The following RORA variants were observed in gnomAD, a reference collection of about 807,000 sequenced individuals.
The protein encoded by RORA is nuclear receptor ROR-alpha.
RORA carries 7 observed loss-of-function variants against 69.5 expected under a neutral mutation model. The ratio of observed to expected loss-of-function variants is 0.10; its 90% confidence interval spans 0.06 to 0.19. RORA has a LOEUF of 0.19. Among genes scored for constraint, RORA ranks in the 10% least tolerant of loss-of-function variants. RORA has a pLI of 1.00. For synonymous variants in RORA, 261 were observed against 240.8 expected (o/e 1.08, Z -0.78); for missense variants, 457 against 663.0 (o/e 0.69, Z 3.41).
At chr15:61,228,259 G>A (rs897283931) in intron 1 of RORA, among the ~76,000 whole-genome samples, 8 of 152,112 alleles carry the variant, frequency 5.3e-5, no homozygotes, top group African/African-American at 1.9e-4. Context: ...CGCCCCACAG[G>A]ACCGCCGCCC....
At chr15:61,018,824 G>T (rs921981579) in intron 1 of RORA, among the ~76,000 whole-genome samples, 2 of 152,044 alleles carry the variant, frequency 1.3e-5, no homozygotes, top group Non-Finnish European at 2.9e-5. Flanking sequence ...CTCATAAATG[G>T]TAAGGATGTA....
At chr15:60,753,872 C>G (rs899786505) in intron 1 of RORA, among the ~76,000 whole-genome samples, 13 of 152,214 alleles carry the variant, frequency 8.5e-5, no homozygotes, top group African/African-American at 3.1e-4. Flanking sequence ...AAATCCACTT[C>G]TATTATCCCG....
intron 1 of RORA, among the ~76,000 whole-genome samples, chr15:60,744,355 A>C (rs141265890): frequency 0.027 from 4,132 of 152,306 alleles, 125 homozygotes; most frequent in African/African-American, 0.071. Context: ...AATTAGATAG[A>C]AACAGCTGTG....
intron 1 of RORA, among the ~76,000 whole-genome samples, chr15:61,003,862 A>T (rs1481314199): frequency 6.6e-6 from 1 of 152,198 alleles, no homozygotes; most frequent in Non-Finnish European, 1.5e-5. Context: ...CCTGGTGGGA[A>T]GCAGATGGGA....
chr15:61,081,632 C>T (rs923948004), intron 1 of RORA, among the ~76,000 whole-genome samples: 1 of 151,796 alleles, frequency 6.6e-6, no homozygotes, highest in Non-Finnish European at 1.5e-5. Flanking sequence ...ATGGTGAAAC[C>T]CCATCTCTAC....
At chr15:60,645,196 T>G (rs530547928) in intron 2 of RORA, among the ~76,000 whole-genome samples, 1 of 151,620 alleles carries the variant, frequency 6.6e-6, no homozygotes, top group African/African-American at 2.4e-5. Context: ...ATCAAGAGAC[T>G]GTTGGGCGAG....
intron 1 of RORA, among the ~76,000 whole-genome samples, chr15:60,800,159 G>C (rs982359049): frequency 3.3e-5 from 5 of 152,156 alleles, no homozygotes; most frequent in Non-Finnish European, 5.9e-5. Flanking sequence ...AGACATCAGG[G>C]CTTTTTTTTT....
At chr15:60,549,895 G>T (rs1283362889) in intron 2 of RORA, among the ~76,000 whole-genome samples, 1 of 152,172 alleles carries the variant, frequency 6.6e-6, no homozygotes, top group African/African-American at 2.4e-5. Flanking sequence ...CAACTGAATT[G>T]TAAGGACAAC....
intron 1 of RORA, among the ~76,000 whole-genome samples, chr15:60,809,515 T>C (rs2072711459): frequency 6.6e-6 from 1 of 152,220 alleles, no homozygotes; most frequent in Admixed American, 6.5e-5. Flanking sequence ...TATCTCGAAA[T>C]AACAGGTTTA....
intron 2 of RORA, among the ~76,000 whole-genome samples, chr15:60,660,728 C>T (rs1403397425): frequency 6.7e-6 from 1 of 150,024 alleles, no homozygotes; most frequent in Non-Finnish European, 1.5e-5. Context: ...TAACACCAGT[C>T]TGTGTTTTGT....
intron 2 of RORA, among the ~76,000 whole-genome samples, chr15:60,643,259 A>G (rs2069977302): frequency 6.6e-6 from 1 of 152,348 alleles, no homozygotes; most frequent in South Asian, 2.1e-4. Flanking sequence ...GTTTGCATCA[A>G]TAGTGTTCTT....
intron 1 of RORA, among the ~76,000 whole-genome samples, chr15:61,098,168 TC>T (rs1451077813): frequency 2.9e-5 from 2 of 68,980 alleles, no homozygotes; most frequent in South Asian, 1.1e-3. Context: ...TTCCTTCCTT[TC>T]CCCCTTCCCT....
At chr15:60,904,559 G>T (rs1182790410) in intron 1 of RORA, among the ~76,000 whole-genome samples, 2 of 152,224 alleles carry the variant, frequency 1.3e-5, no homozygotes, top group African/African-American at 4.8e-5. Context: ...TTCTCCTTCA[G>T]TATGGTGGCT....
At chr15:60,708,687 T>C (rs1345304591) in intron 1 of RORA, among the ~76,000 whole-genome samples, 2 of 152,188 alleles carry the variant, frequency 1.3e-5, no homozygotes, top group African/African-American at 4.8e-5. Context: ...GCCTTTTCAG[T>C]TCCCTACACT....
At chr15:60,701,277 A>G (rs2070977608) in intron 1 of RORA, among the ~76,000 whole-genome samples, 1 of 152,218 alleles carries the variant, frequency 6.6e-6, no homozygotes, top group Non-Finnish European at 1.5e-5. Flanking sequence ...TGCTGAATGA[A>G]TCAAATGTGC....
chr15:61,129,878 TAATC>T lies in RORA; in HGVS notation c.166+99171_166+99174del, dbSNP rs559136398. ...GATCCCCACTTTCCCCCACCTTTCT[TAATC>T]AAAAAGACCAACACACATTCAGTAA... is the stretch of plus-strand genomic sequence containing the variant. On this transcript the variant is annotated intron_variant, in intron 1 of 10. Transcript: ENST00000335670. 4.5e-4 allele frequency among the ~76,000 whole-genome samples: 69 copies of T among 152,346 alleles called. 2 individuals carry two copies. The East Asian group carries it at 0.012, about 27-fold the overall frequency.
chr15:60,928,339 TA>T (rs1363211502), intron 1 of RORA, among the ~76,000 whole-genome samples: 2 of 152,208 alleles, frequency 1.3e-5, no homozygotes, highest in Admixed American at 1.3e-4. Flanking sequence ...GACTATCCTG[TA>T]ACTACTTAAT....
chr15:60,767,725 C>G (rs1025304307), intron 1 of RORA, among the ~76,000 whole-genome samples: 1 of 152,224 alleles, frequency 6.6e-6, no homozygotes, highest in African/African-American at 2.4e-5. Flanking sequence ...CCTGTCCTCA[C>G]CTTCTCTTTT....
At chr15:61,028,526 C>G (rs1895953156) in intron 1 of RORA, among the ~76,000 whole-genome samples, 1 of 152,188 alleles carries the variant, frequency 6.6e-6, no homozygotes, top group Non-Finnish European at 1.5e-5. Context: ...CCTGCCCCCT[C>G]TAGTTTACAG....
Sources: gnomAD v4.1 joint callset for allele counts (sites outside exome capture counted in the v4.1 genomes callset) on GRCh38, gnomAD v4.1.1 for gene constraint, MANE v1.5 for transcripts, NCBI Gene and HGNC (gene_info 2026-07-23, HGNC 2026-07-21) for gene names.